DSCAM: variants seen among roughly 807,000 people sequenced by gnomAD.
DSCAM encodes the protein DS cell adhesion molecule.
Under a neutral mutation model 217.7 loss-of-function variants are expected in DSCAM, and 47 were observed. The ratio of observed to expected loss-of-function variants is 0.22; its 90% CI spans 0.17 to 0.28. The LOEUF is 0.28. Ranked by LOEUF, DSCAM falls within the 10% of genes least tolerant of loss-of-function variation. The pLI is 1.00. For missense variants in DSCAM, 2,080 were observed against 2,618.3 expected (o/e 0.79, Z 4.49); for synonymous variants, 1,056 against 1,015.3 (o/e 1.04, Z -0.76).
intron 1 of DSCAM, among the ~76,000 whole-genome samples, chr21:40,794,493 C>A (rs1300347474): frequency 1.4e-5 from 2 of 147,870 alleles, no homozygotes; most frequent in Non-Finnish European, 3.0e-5. Flanking sequence ...TATACTGCAC[C>A]AAAAACAAGT....
At chr21:40,050,130 G>A (rs1488580885) in intron 30 of DSCAM, among the ~76,000 whole-genome samples, 1 of 152,158 alleles carries the variant, frequency 6.6e-6, no homozygotes, top group African/African-American at 2.4e-5. Flanking sequence ...GAATCACCCA[G>A]GGTGTCTGTT....
intron 11 of DSCAM, among the ~76,000 whole-genome samples, chr21:40,273,411 C>T (rs1443923793): frequency 6.6e-6 from 1 of 152,176 alleles, no homozygotes; most frequent in Non-Finnish European, 1.5e-5. Context: ...ACTCTATCAT[C>T]TCTCTTTGAA....
At chr21:40,270,145 G>A (rs1212963361) in intron 11 of DSCAM, among the ~76,000 whole-genome samples, 3 of 152,182 alleles carry the variant, frequency 2.0e-5, no homozygotes, top group Non-Finnish European at 4.4e-5. Flanking sequence ...CCAAGGGCGT[G>A]GCAGCTGCTG....
chr21:40,845,334 A>G (rs1257061909), intron 1 of DSCAM, among the ~76,000 whole-genome samples: 1 of 152,144 alleles, frequency 6.6e-6, no homozygotes, highest in Non-Finnish European at 1.5e-5. Context: ...AAAATTGACA[A>G]TGCTCATGCA....
intron 1 of DSCAM, among the ~76,000 whole-genome samples, chr21:40,817,338 C>G (rs977569680): frequency 6.6e-6 from 1 of 152,264 alleles, no homozygotes; most frequent in East Asian, 1.9e-4. Flanking sequence ...CTGGAACAGG[C>G]CACTTTCAAG....
intron 3 of DSCAM, among the ~76,000 whole-genome samples, chr21:40,613,756 C>T (rs1336909108): frequency 6.6e-6 from 1 of 151,438 alleles, no homozygotes; most frequent in East Asian, 1.9e-4. Context: ...TTATTAGCTG[C>T]TCACCACAGG....
intron 3 of DSCAM, among the ~76,000 whole-genome samples, chr21:40,631,508 C>G (rs948528510): frequency 3.9e-5 from 6 of 152,176 alleles, no homozygotes; most frequent in African/African-American, 1.4e-4. Context: ...CTCCAGCTGA[C>G]TCAGAGCACC....
chr21:40,579,300 G>T (rs940760578), intron 3 of DSCAM, among the ~76,000 whole-genome samples: 4 of 151,706 alleles, frequency 2.6e-5, no homozygotes, highest in African/African-American at 9.7e-5. Context: ...TAAAACTTCA[G>T]AGTAGACACA....
chr21:40,400,225 G>T (rs1008222628), intron 3 of DSCAM, among the ~76,000 whole-genome samples: 3 of 152,096 alleles, frequency 2.0e-5, no homozygotes, highest in African/African-American at 7.2e-5. Context: ...AATCTTAAAA[G>T]ATTTTAAAAT....
intron 3 of DSCAM, among the ~76,000 whole-genome samples, chr21:40,494,528 C>A (rs7410040): frequency 0.089 from 13,483 of 151,998 alleles, 698 homozygotes; most frequent in Middle Eastern, 0.16. Flanking sequence ...TCATTTTTTA[C>A]GTCTAAATTT....
chr21:40,216,453 G>A (rs944597243), intron 11 of DSCAM, among the ~76,000 whole-genome samples: 15 of 151,994 alleles, frequency 9.9e-5, no homozygotes, highest in Middle Eastern at 6.8e-3. Flanking sequence ...TAAACTGGTT[G>A]CTTTATAAAA....
chr21:40,615,020 G>A (rs2089370044), intron 3 of DSCAM, among the ~76,000 whole-genome samples: 1 of 151,338 alleles, frequency 6.6e-6, no homozygotes, highest in Admixed American at 6.6e-5. Context: ...AAAGTAGATG[G>A]GGGCCAGGCG....
chr21:40,636,208 G>A (rs1026777711), intron 3 of DSCAM, among the ~76,000 whole-genome samples: 1 of 151,938 alleles, frequency 6.6e-6, no homozygotes, highest in Admixed American at 6.6e-5. Context: ...CACAACCAAA[G>A]GATTATGCAT....
intron 3 of DSCAM, among the ~76,000 whole-genome samples, chr21:40,590,791 G>A (rs1041928303): frequency 6.6e-6 from 1 of 152,156 alleles, no homozygotes; most frequent in East Asian, 1.9e-4. Flanking sequence ...CAGCATCTTA[G>A]AGGGGTATTG....
At chr21:40,593,069 C>T (rs532321063) in intron 3 of DSCAM, among the ~76,000 whole-genome samples, 1 of 152,290 alleles carries the variant, frequency 6.6e-6, no homozygotes, top group Non-Finnish European at 1.5e-5. Context: ...ATTTTCTGCC[C>T]TAAACTGAAG....
At chr21:40,018,845 G>GC (rs2088211736) in intron 32 of DSCAM, among the ~76,000 whole-genome samples, 1 of 152,154 alleles carries the variant, frequency 6.6e-6, no homozygotes, top group South Asian at 2.1e-4. Flanking sequence ...TTTGTTTATT[G>GC]CAGGTCTGAC....
chr21:40,043,888 T>C (rs1181542608), intron 31 of DSCAM, among the ~76,000 whole-genome samples, 190 bp downstream of exon 31: 2 of 152,296 alleles, frequency 1.3e-5, no homozygotes, highest in Admixed American at 1.3e-4. Flanking sequence ...TTTTGCCCTG[T>C]GTGGAGTAAA....
At chr21:40,079,227 G>C (rs921154203) in intron 25 of DSCAM, among the ~76,000 whole-genome samples, 4 of 152,184 alleles carry the variant, frequency 2.6e-5, no homozygotes, top group African/African-American at 4.8e-5. Context: ...GTATCTTAGA[G>C]TTCCCTAAAG....
In DSCAM at chr21:40,066,082, G is replaced by T. The variant is rs79460058; in HGVS notation, c.4889-3183C>A. Among the ~76,000 whole-genome samples, 444 of 152,294 alleles carry T rather than the reference G, an allele frequency of 2.9e-3. 2 individuals carry two copies. Among genetic ancestry groups the T allele is most frequent in the African/African-American group, 0.01 (423 of 41,572 alleles). On this transcript the variant is annotated intron_variant, in intron 27 of 32. Coordinates refer to ENST00000400454, the MANE Select transcript of DSCAM (RefSeq NM_001389.5). ...CAACTTGCTCCGTGTACCCTCCCAT[G>T]CCCAGTAGGCAGGGGTGAAGCTTCG...
Sources: gnomAD v4.1 joint callset for allele counts (sites outside exome capture counted in the v4.1 genomes callset) on GRCh38, gnomAD v4.1.1 for gene constraint, MANE v1.5 for transcripts, NCBI Gene and HGNC (gene_info 2026-07-23, HGNC 2026-07-21) for gene names.